SMCO2: variants seen among roughly 807,000 people sequenced by gnomAD.
The protein encoded by SMCO2 is single-pass membrane and coiled-coil domain-containing protein 2.
Under a neutral mutation model 29.5 loss-of-function variants are expected in SMCO2, and 25 were observed. That is an observed-to-expected ratio of 0.85 (90% CI 0.62 to 1.18). The LOEUF is 1.18. Among genes scored for constraint, SMCO2 ranks in the 50% most tolerant of loss-of-function variants. The probability of loss-of-function intolerance (pLI) is 0.00; values close to 1 mark genes in which losing one functional copy is unlikely to be tolerated. For synonymous variants in SMCO2, 117 were observed against 123.3 expected (o/e 0.95, Z 0.34); for missense variants, 348 against 344.5 (o/e 1.01, Z -0.08).
chr12:27,475,549 G>T (rs1202256331), intron 4 of SMCO2, 33 bp from the exon 5 acceptor site: 3 of 1,498,816 alleles, frequency 2.0e-6, no homozygotes, highest in African/African-American at 2.9e-5. Flanking sequence ...CCCATTTTCT[G>T]CTTTGAAAAT....
chr12:27,461,186 C>T, the SMCO2 span, among the ~76,000 whole-genome samples: 1 of 152,062 alleles, frequency 6.6e-6, no homozygotes, highest in African/African-American at 2.4e-5. Context: ...AATGCTATGT[C>T]AATATTATAT....
At chr12:27,446,735 C>G in the SMCO2 span, 3 of 152,110 alleles carry the variant, frequency 2.0e-5, no homozygotes, top group Admixed American at 6.6e-5. Context: ...CCCTCTAATC[C>G]AGTGGTTCTC....
chr12:27,498,550 G>A, intron 7 of SMCO2: 1 of 234,488 alleles, frequency 4.3e-6, no homozygotes, highest in Non-Finnish European at 8.9e-6. Context: ...TCCTGGCTGA[G>A]GAGTTCAATA....
intron 2 of SMCO2, 134 bp from the exon 3 acceptor site, chr12:27,472,642 C>A: frequency 1.8e-6 from 1 of 556,200 alleles, no homozygotes; most frequent in Non-Finnish European, 3.1e-6. Context: ...AGAAAGAACT[C>A]AGTACAAGGA....
At chr12:27,473,168 A>G in intron 3 of SMCO2, 1 of 324,352 alleles carries the variant, frequency 3.1e-6, no homozygotes, top group Non-Finnish European at 5.9e-6. Flanking sequence ...TAACTGTGAC[A>G]TTTCTCACCT....
chr12:27,459,638 AAAT>A, the SMCO2 span, among the ~76,000 whole-genome samples: 1 of 152,204 alleles, frequency 6.6e-6, no homozygotes, highest in African/African-American at 2.4e-5. Context: ...TAAAATAAAT[AAAT>A]AAATATTCAT....
At chr12:27,490,125 G>A (rs1363166507) in intron 5 of SMCO2, among the ~76,000 whole-genome samples, 1 of 152,226 alleles carries the variant, frequency 6.6e-6, no homozygotes, top group Non-Finnish European at 1.5e-5. Flanking sequence ...TCTGCCAGTT[G>A]TCATTTGGAT....
At chr12:27,473,099 G>A (rs781206781) in intron 3 of SMCO2, 6 of 421,028 alleles carry the variant, frequency 1.4e-5, no homozygotes, top group African/African-American at 4.1e-5. Flanking sequence ...CTTCCCATGC[G>A]AACAAAAAAG....
chr12:27,474,441 C>T (rs1167877169), intron 3 of SMCO2, among the ~76,000 whole-genome samples: 1 of 151,974 alleles, frequency 6.6e-6, no homozygotes, highest in Non-Finnish European at 1.5e-5. Context: ...ATAGTCCTGC[C>T]ACCTTTTCTT....
intron 4 of SMCO2, among the ~76,000 whole-genome samples, chr12:27,481,549 T>C (rs548131819): frequency 1.3e-5 from 2 of 152,220 alleles, no homozygotes; most frequent in Non-Finnish European, 2.9e-5. Flanking sequence ...GTAGAAGTGG[T>C]ATAATTTCTT....
the SMCO2 span, among the ~76,000 whole-genome samples, chr12:27,452,113 T>G: frequency 1.3e-5 from 2 of 152,222 alleles, no homozygotes; most frequent in African/African-American, 4.8e-5. Flanking sequence ...GAATGAAGCT[T>G]TATCAGAAGG....
the SMCO2 span, among the ~76,000 whole-genome samples, chr12:27,452,453 G>T: frequency 1.3e-5 from 2 of 152,114 alleles, no homozygotes; most frequent in East Asian, 3.9e-4. Context: ...TATTTTTGCT[G>T]TTGTGAATAG....
At chr12:27,474,519 G>A (rs914187969) in intron 3 of SMCO2, among the ~76,000 whole-genome samples, 2 of 152,032 alleles carry the variant, frequency 1.3e-5, no homozygotes, top group Non-Finnish European at 2.9e-5. Flanking sequence ...TTTGGAGTCC[G>A]TGGTCAGATG....
At chr12:27,455,624 A>G in the SMCO2 span, among the ~76,000 whole-genome samples, 113,092 of 152,112 alleles carry the variant, frequency 0.74, 42,684 homozygotes, top group Middle Eastern at 0.9. Flanking sequence ...CCCAAAAACA[A>G]AAGAACAAAG....
chr12:27,489,611 C>T (rs1371242919), intron 5 of SMCO2, among the ~76,000 whole-genome samples: 1 of 152,120 alleles, frequency 6.6e-6, no homozygotes, highest in Non-Finnish European at 1.5e-5. Context: ...AGGAAGGTGT[C>T]ATTTATTTGG....
chr12:27,439,157 G>A, the SMCO2 span, among the ~76,000 whole-genome samples: 1 of 152,182 alleles, frequency 6.6e-6, no homozygotes, highest in Non-Finnish European at 1.5e-5. Context: ...TAGGGAGGCA[G>A]GGCTACCATC....
intron 4 of SMCO2, among the ~76,000 whole-genome samples, chr12:27,475,341 A>G (rs1042874339): frequency 2.0e-4 from 31 of 152,008 alleles, no homozygotes; most frequent in Admixed American, 1.3e-4. Context: ...AATTAAAAAT[A>G]TATCTTTTTT....
chr12:27,488,429 T>TG, intron 4 of SMCO2, 31 bp from the exon 6 acceptor site: 1 of 1,412,872 alleles, frequency 7.1e-7, no homozygotes, highest in African/African-American at 1.5e-5. Flanking sequence ...TTTCTTAATC[T>TG]GCAGGCCTTA....
chr12:27,477,471 G>A (rs954554503), intron 4 of SMCO2, among the ~76,000 whole-genome samples: 2 of 151,670 alleles, frequency 1.3e-5, no homozygotes, highest in Non-Finnish European at 2.9e-5. Flanking sequence ...GTATTTGAAT[G>A]TCTATCTCTT....
Sources: allele counts gnomAD v4.1 joint callset (sites outside exome capture counted in the v4.1 genomes callset), GRCh38; gene constraint gnomAD v4.1.1; transcripts MANE v1.5; gene names NCBI Gene and HGNC (gene_info 2026-07-23, HGNC 2026-07-21).